The following DCC variants were observed in gnomAD, a reference collection of about 807,000 sequenced individuals.
DCC encodes DCC netrin 1 receptor.
A neutral mutation model predicts 172.5 loss-of-function variants in DCC; 58 were observed. The ratio of observed to expected loss-of-function variants is 0.34; its 90% CI spans 0.27 to 0.42. The LOEUF (loss-of-function observed/expected upper bound fraction) is 0.42. Among genes scored for constraint, DCC ranks in the 10% least tolerant of loss-of-function variants. The pLI, the probability that DCC is intolerant of heterozygous loss-of-function variation, is 1.00. For synonymous variants in DCC, 709 were observed against 644.5 expected (o/e 1.10, Z -1.52); for missense variants, 1,740 against 1,791.0 (o/e 0.97, Z 0.51).
intron 1 of DCC, among the ~76,000 whole-genome samples, chr18:52,625,109 G>A (rs1221866): frequency 0.84 from 126,975 of 152,054 alleles, 53,693 homozygotes; most frequent in Non-Finnish European, 0.91. Flanking sequence ...TGGTTTTTGC[G>A]TATCTAAACA....
chr18:52,914,661 GT>G (rs1279061444), intron 3 of DCC, among the ~76,000 whole-genome samples: 8 of 48,662 alleles, frequency 1.6e-4, no homozygotes, highest in African/African-American at 3.9e-4. Context: ...TAAACACAGA[GT>G]TAGGAGTTTC....
chr18:52,377,689 A>G (rs1023543489), intron 1 of DCC, among the ~76,000 whole-genome samples: 11 of 148,776 alleles, frequency 7.4e-5, no homozygotes, highest in African/African-American at 9.9e-5. Flanking sequence ...AAAAAAAACT[A>G]TTAAGCCACT....
chr18:53,134,616 C>G (rs769570214), intron 7 of DCC, among the ~76,000 whole-genome samples: 1 of 152,104 alleles, frequency 6.6e-6, no homozygotes. Context: ...TAGGTCAAAA[C>G]CCAATGGCCC....
intron 1 of DCC, among the ~76,000 whole-genome samples, chr18:52,610,863 A>G (rs890543456): frequency 1.3e-5 from 2 of 152,098 alleles, no homozygotes; most frequent in East Asian, 3.9e-4. Flanking sequence ...AAAAAACATT[A>G]TCAGTGCATA....
At chr18:53,505,692 A>G (rs1279971188) in intron 27 of DCC, among the ~76,000 whole-genome samples, 1 of 152,170 alleles carries the variant, frequency 6.6e-6, no homozygotes, top group Non-Finnish European at 1.5e-5. Flanking sequence ...ATAATAAATA[A>G]TCTATTTTCA....
intron 5 of DCC, among the ~76,000 whole-genome samples, chr18:53,032,971 T>C (rs902744385): frequency 1.5e-4 from 23 of 152,172 alleles, no homozygotes; most frequent in African/African-American, 5.5e-4. Flanking sequence ...GTTGTTCACA[T>C]AAAGACTCTT....
intron 5 of DCC, among the ~76,000 whole-genome samples, chr18:53,036,288 A>C (rs543163047): frequency 1.3e-5 from 2 of 152,156 alleles, no homozygotes; most frequent in South Asian, 4.1e-4. Flanking sequence ...GACTTCTTCC[A>C]AGATTGATCT....
intron 1 of DCC, among the ~76,000 whole-genome samples, chr18:52,642,014 GTATA>G (rs1193018662): frequency 2.3e-4 from 8 of 34,526 alleles, no homozygotes; most frequent in Admixed American, 7.7e-4. Context: ...GTGTGTGTGT[GTATA>G]TATATATATA....
chr18:52,822,541 C>T (rs1281013488), intron 2 of DCC, among the ~76,000 whole-genome samples: 2 of 152,162 alleles, frequency 1.3e-5, no homozygotes, highest in South Asian at 2.1e-4. Flanking sequence ...TTATAAGCCC[C>T]TGCAACAGCC....
chr18:52,891,351 T>C (rs2039647856), intron 2 of DCC, among the ~76,000 whole-genome samples: 1 of 152,108 alleles, frequency 6.6e-6, no homozygotes, highest in Non-Finnish European at 1.5e-5. Context: ...TCTATTACAT[T>C]AGTTTTGTTA....
chr18:52,793,042 C>A (rs1190515068), intron 2 of DCC, among the ~76,000 whole-genome samples: 3 of 151,928 alleles, frequency 2.0e-5, no homozygotes, highest in Non-Finnish European at 2.9e-5. Context: ...GTGTGAGAGA[C>A]CTCTGATAAA....
chr18:53,261,249 G>A (rs1041980712), intron 12 of DCC, among the ~76,000 whole-genome samples: 5 of 152,090 alleles, frequency 3.3e-5, no homozygotes, highest in Admixed American at 1.3e-4. Flanking sequence ...AGATGAACCC[G>A]GTACCTCAGT....
intron 7 of DCC, among the ~76,000 whole-genome samples, chr18:53,081,706 C>T (rs1026138090): frequency 1.3e-5 from 2 of 151,718 alleles, no homozygotes; most frequent in African/African-American, 4.8e-5. Flanking sequence ...GTAAGCAGGC[C>T]CCCGCTTTTT....
At chr18:53,239,616 CAAAG>C (rs940751855) in intron 12 of DCC, among the ~76,000 whole-genome samples, 1 of 152,020 alleles carries the variant, frequency 6.6e-6, no homozygotes, top group Non-Finnish European at 1.5e-5. Context: ...GACATGAACA[CAAAG>C]AAAAATATTT....
chr18:53,326,064 C>T (rs2057464998), intron 14 of DCC, among the ~76,000 whole-genome samples: 1 of 152,182 alleles, frequency 6.6e-6, no homozygotes, highest in African/African-American at 2.4e-5. Context: ...CTGTTACTCC[C>T]TTACCAGTCA....
chr18:53,012,062 G>T (rs1228561211), intron 5 of DCC, among the ~76,000 whole-genome samples: 1 of 151,850 alleles, frequency 6.6e-6, no homozygotes, highest in Non-Finnish European at 1.5e-5. Flanking sequence ...GCAAGGATAT[G>T]GAAGAGCTGG....
At chr18:53,512,212 A>ACACG (rs1248316286) in intron 27 of DCC, among the ~76,000 whole-genome samples, 1 of 151,920 alleles carries the variant, frequency 6.6e-6, no homozygotes, top group Non-Finnish European at 1.5e-5. Context: ...CTGACACCTC[A>ACACG]CACGGCAGGG....
chr18:52,982,596 C>A (rs1275446345), intron 5 of DCC, among the ~76,000 whole-genome samples: 1 of 152,020 alleles, frequency 6.6e-6, no homozygotes, highest in Non-Finnish European at 1.5e-5. Flanking sequence ...TAGAATCACC[C>A]CTGCCTCTAC....
chr18:52,985,789 A>G (rs1336128187), intron 5 of DCC, among the ~76,000 whole-genome samples: 1 of 151,962 alleles, frequency 6.6e-6, no homozygotes, highest in Non-Finnish European at 1.5e-5. Flanking sequence ...GCAAAATGAG[A>G]TTCTTCAACT....
Sources: allele counts gnomAD v4.1 joint callset (sites outside exome capture counted in the v4.1 genomes callset), GRCh38; gene constraint gnomAD v4.1.1; transcripts MANE v1.5; gene names NCBI Gene and HGNC (gene_info 2026-07-23, HGNC 2026-07-21).